The following KAZN variants were observed in gnomAD, a reference collection of about 807,000 sequenced individuals.
The protein encoded by KAZN is kazrin.
Under a neutral mutation model 87.4 loss-of-function variants are expected in KAZN, and 40 were observed. The ratio of observed to expected loss-of-function variants is 0.46; its 90% CI spans 0.36 to 0.60. The LOEUF is 0.60. Ranked by LOEUF, KAZN falls within the 20% of genes least tolerant of loss-of-function variation. The probability of loss-of-function intolerance (pLI) is 0.00; values close to 1 mark genes in which losing one functional copy is unlikely to be tolerated. For missense variants in KAZN, 898 were observed against 1,073.9 expected (o/e 0.84, Z 2.29); for synonymous variants, 466 against 458.3 (o/e 1.02, Z -0.22).
chr1:14,213,915 A>G (rs938253272), intron 2 of KAZN, among the ~76,000 whole-genome samples: 1 of 152,204 alleles, frequency 6.6e-6, no homozygotes, highest in African/African-American at 2.4e-5. Flanking sequence ...CTGATGCATC[A>G]TATGTGGGAC....
chr1:14,099,472 C>T (rs78031478), intron 1 of KAZN, among the ~76,000 whole-genome samples: 7,695 of 152,214 alleles, frequency 0.051, 587 homozygotes, highest in African/African-American at 0.17. Context: ...GTTCATTGAA[C>T]TCCTCAAGAG....
In KAZN at chr1:14,177,441, T is replaced by G. The variant is rs575774685; in HGVS notation, c.92-2994T>G. ...GTAACTTCTTTAACCTTTCTTTTAG[T>G]GCAAATCTGCTGGTGATGAGTTCTC... On this transcript the variant is annotated intron_variant, in intron 1 of 16. Transcript: ENST00000636203. Among the ~76,000 whole-genome samples the G allele has an allele frequency of 8.5e-5, 13 of 152,346 alleles. 1 individual carries two copies. In the East Asian group the frequency reaches 2.5e-3, roughly 29 times the overall value.
intron 2 of KAZN, among the ~76,000 whole-genome samples, chr1:14,392,889 G>A (rs539221888): frequency 5.9e-5 from 9 of 152,246 alleles, no homozygotes; most frequent in African/African-American, 1.9e-4. Flanking sequence ...CACTGAATAA[G>A]TGTATACATT....
chr1:14,233,158 G>T (rs917657844), intron 2 of KAZN, among the ~76,000 whole-genome samples: 5 of 151,754 alleles, frequency 3.3e-5, no homozygotes, highest in Non-Finnish European at 7.4e-5. Flanking sequence ...TTGAGACAAG[G>T]TCCCACTCTG....
intron 2 of KAZN, among the ~76,000 whole-genome samples, chr1:14,447,751 G>A (rs1021127776): frequency 2.0e-5 from 3 of 152,086 alleles, no homozygotes; most frequent in Admixed American, 6.5e-5. Context: ...AGGGGGCGCT[G>A]TCCTAAGTCC....
At chr1:14,364,941 C>G (rs1659845120) in intron 2 of KAZN, among the ~76,000 whole-genome samples, 1 of 152,014 alleles carries the variant, frequency 6.6e-6, no homozygotes, top group African/African-American at 2.4e-5. Context: ...GAGGTTCTGA[C>G]TATGTTGGCC....
intron 1 of KAZN, among the ~76,000 whole-genome samples, chr1:14,778,626 T>C (rs1645247330): frequency 6.6e-6 from 1 of 152,132 alleles, no homozygotes; most frequent in Non-Finnish European, 1.5e-5. Context: ...CTCCACAAGA[T>C]CCTCAGAAAA....
Position 14,635,080 on chromosome 1 carries a change from C to G in KAZN, c.226+35857C>G, listed in dbSNP as rs181837599. On this transcript the variant is annotated intron_variant, in intron 1 of 14. Coordinates refer to ENST00000376030, the MANE Select transcript of KAZN (RefSeq NM_201628.3). Reference sequence around the variant, plus strand: ...CCCACAGGTGTTGCAGGAAGGGCATCAGGGGGTTAGGTTGAATGCCAAGTT... The same window carrying G: ...CCCACAGGTGTTGCAGGAAGGGCATGAGGGGGTTAGGTTGAATGCCAAGTT... Among the ~76,000 whole-genome samples the G allele has an allele frequency of 1.3e-3, 204 of 152,278 alleles. 3 individuals are homozygous for G. The highest frequency in any genetic ancestry group is 4.7e-3 in the African/African-American group (196 of 41,556).
intron 1 of KAZN, among the ~76,000 whole-genome samples, chr1:14,726,013 C>T (rs1643364906): frequency 6.6e-6 from 1 of 152,198 alleles, no homozygotes; most frequent in African/African-American, 2.4e-5. Flanking sequence ...TTCAGTTCTG[C>T]TCCCAAACTG....
intron 2 of KAZN, among the ~76,000 whole-genome samples, chr1:14,232,050 C>G (rs1647911152): frequency 6.6e-6 from 1 of 152,050 alleles, no homozygotes; most frequent in Non-Finnish European, 1.5e-5. Flanking sequence ...GGAACTCAGG[C>G]TCACAAACAC....
At chr1:14,575,414 T>C (rs1484251048) in intron 2 of KAZN, among the ~76,000 whole-genome samples, 7 of 152,086 alleles carry the variant, frequency 4.6e-5, no homozygotes, top group African/African-American at 1.4e-4. Flanking sequence ...GGGGTTTCCC[T>C]TTATAAAACC....
At chr1:14,447,208 CATTATTATTATT>C (rs55650123) in intron 2 of KAZN, among the ~76,000 whole-genome samples, 1,482 of 131,168 alleles carry the variant, frequency 0.011, 23 homozygotes, top group African/African-American at 0.03. Flanking sequence ...GTTTCCACCA[CATTATTATTATT>C]ATTATTATTA....
chr1:14,432,338 G>A (rs1450417924), intron 2 of KAZN, among the ~76,000 whole-genome samples: 1 of 152,106 alleles, frequency 6.6e-6, no homozygotes, highest in African/African-American at 2.4e-5. Flanking sequence ...AAAGCTATGA[G>A]CTCTAGAATA....
At chr1:14,615,088 T>G (rs1481068990) in intron 1 of KAZN, among the ~76,000 whole-genome samples, 1 of 152,204 alleles carries the variant, frequency 6.6e-6, no homozygotes, top group Admixed American at 6.6e-5. Context: ...TTCACAAGTC[T>G]CCAGTATCCC....
chr1:14,679,915 C>T (rs1640468937), intron 1 of KAZN, among the ~76,000 whole-genome samples: 1 of 152,064 alleles, frequency 6.6e-6, no homozygotes, highest in African/African-American at 2.4e-5. Flanking sequence ...CTCAAGGAGG[C>T]ACCACTTGTG....
chr1:14,935,330 T>C (rs550334045), intron 1 of KAZN, among the ~76,000 whole-genome samples: 37 of 152,290 alleles, frequency 2.4e-4, no homozygotes, highest in African/African-American at 8.4e-4. Context: ...AACCTCTGCC[T>C]CCTGGGTTCA....
chr1:14,238,516 T>C (rs1254403716), intron 2 of KAZN, among the ~76,000 whole-genome samples: 3 of 152,384 alleles, frequency 2.0e-5, no homozygotes. Context: ...TCATCAGGCC[T>C]GGTGGTCACA....
intron 1 of KAZN, among the ~76,000 whole-genome samples, chr1:14,767,722 T>G (rs1031937855): frequency 1.3e-5 from 2 of 152,152 alleles, no homozygotes; most frequent in African/African-American, 4.8e-5. Flanking sequence ...CCTTTCTTAG[T>G]TTGGTCCCTG....
chr1:14,728,289 T>TAAAAAAAA (rs55745144), intron 1 of KAZN, among the ~76,000 whole-genome samples: 1 of 29,832 alleles, frequency 3.4e-5, no homozygotes, highest in Non-Finnish European at 6.2e-5. Context: ...ACCGTATATA[T>TAAAAAAAA]AAAAAAAAAA....
Sources: gnomAD v4.1 joint callset for allele counts (sites outside exome capture counted in the v4.1 genomes callset) on GRCh38, gnomAD v4.1.1 for gene constraint, MANE v1.5 for transcripts, NCBI Gene and HGNC (gene_info 2026-07-23, HGNC 2026-07-21) for gene names.